PDGFD: variants seen among roughly 807,000 people sequenced by gnomAD.
PDGFD encodes platelet derived growth factor D.
In PDGFD, 30 loss-of-function variants were observed where a neutral mutation model predicts 44.7. The observed-to-expected ratio is 0.67, with a 90% CI of 0.50 to 0.91. The LOEUF (loss-of-function observed/expected upper bound fraction) is 0.91, where lower values mean the gene tolerates loss of function less well. PDGFD is among the 40% of genes least tolerant of loss of function. The pLI, the probability that PDGFD is intolerant of heterozygous loss-of-function variation, is 0.00. For synonymous variants in PDGFD, 173 were observed against 168.4 expected, an observed-to-expected ratio of 1.03 and a Z score of -0.21; for missense variants, 445 against 457.8, an observed-to-expected ratio of 0.97 and a Z score of 0.25.
chr11:103,942,603 A>G (rs11226082), intron 5 of PDGFD, among the ~76,000 whole-genome samples: 45,246 of 151,844 alleles, frequency 0.3, 7,554 homozygotes, highest in East Asian at 0.39. Context: ...GCCTTGAGAC[A>G]TTTATATCTC....
chr11:104,144,100 G>A (rs1862125716), intron 1 of PDGFD, among the ~76,000 whole-genome samples: 1 of 152,102 alleles, frequency 6.6e-6, no homozygotes, highest in African/African-American at 2.4e-5. Context: ...CTACAACTGT[G>A]ACTTGAAGGT....
At chr11:104,150,843 T>C (rs897064903) in intron 1 of PDGFD, among the ~76,000 whole-genome samples, 3 of 152,168 alleles carry the variant, frequency 2.0e-5, no homozygotes, top group Non-Finnish European at 4.4e-5. Context: ...ATCTCCCATC[T>C]CAAGATCCTT....
chr11:104,160,992 G>C (rs904949212), intron 1 of PDGFD, among the ~76,000 whole-genome samples: 1 of 152,106 alleles, frequency 6.6e-6, no homozygotes, highest in Non-Finnish European at 1.5e-5. Context: ...TATTAGGCTG[G>C]ACAGGATAAA....
At chr11:104,110,292 G>A (rs1339146265) in intron 1 of PDGFD, among the ~76,000 whole-genome samples, 1 of 151,516 alleles carries the variant, frequency 6.6e-6, no homozygotes, top group Non-Finnish European at 1.5e-5. Context: ...AAATGCAATT[G>A]ATGGTTTAAA....
rs1485037818 is a variant in PDGFD, at chr11:104,119,106, ATAT to A, written c.124+44695_124+44697del. On this transcript the variant is annotated intron_variant, in intron 1 of 6. Coordinates refer to ENST00000393158, the MANE Select transcript of PDGFD (RefSeq NM_025208.5). ...ATAATATATTGATATAATATATAAT[ATAT>A]TAATATAATATATTGATATAATATA... 5.4e-4 allele frequency among the ~76,000 whole-genome samples: 36 copies of A among 67,214 alleles called. 11 individuals are homozygous for A. Among genetic ancestry groups the A allele is most frequent in the Admixed American group, 1.1e-3 (4 of 3,610 alleles). The allele number at this position is 67,214 out of a possible 152,430, so 44.1% of individuals were successfully genotyped here. A position where few individuals can be genotyped will look rare whatever the true frequency, so the allele number is the denominator to read the frequency against.
chr11:103,930,814 A>G lies in PDGFD; in HGVS notation c.773-3688T>C, dbSNP rs141738685. Among the ~76,000 whole-genome samples the G allele has an allele frequency of 7.9e-5, 12 of 152,338 alleles. No homozygotes were observed. The East Asian group carries it at 1.9e-3, about 24-fold the overall frequency. ...ATGTCATTAATACACATACCCAAGC[A>G]CGAGCAGCTGTGTATCCTCATCCAC... is the stretch of plus-strand genomic sequence containing the variant. On this transcript the variant is annotated intron_variant, in intron 5 of 6. Coordinates refer to ENST00000393158, the MANE Select transcript of PDGFD (RefSeq NM_025208.5).
intron 1 of PDGFD, among the ~76,000 whole-genome samples, chr11:104,135,728 G>A (rs1438953394): frequency 1.3e-5 from 2 of 152,152 alleles, no homozygotes; most frequent in Non-Finnish European, 2.9e-5. Context: ...CACCAAGATA[G>A]AGTGCCAAAG....
chr11:104,129,815 C>A lies in PDGFD; in HGVS notation c.124+33989G>T, dbSNP rs1372244022. Among the ~76,000 whole-genome samples the A allele has an allele frequency of 2.0e-5, 3 of 151,936 alleles. No individual in the cohort carries two copies. The East Asian group carries it at 5.8e-4, about 30-fold the overall frequency. The stretch of plus-strand genomic sequence containing the variant: ...CCTGAGGTCAGGAGTTCAAGACTAG[C>A]CTGGCCAACATGGTGAAACCGTGCT... On this transcript the variant is annotated intron_variant, in intron 1 of 6. Transcript: ENST00000393158.
At chr11:104,156,911 T>C (rs371588626) in intron 1 of PDGFD, among the ~76,000 whole-genome samples, 1 of 152,232 alleles carries the variant, frequency 6.6e-6, no homozygotes, top group South Asian at 2.1e-4. Context: ...AGAACATTTC[T>C]GCTGCACCTC....
At chr11:104,143,181 T>A (rs1286795618) in intron 1 of PDGFD, among the ~76,000 whole-genome samples, 1 of 152,232 alleles carries the variant, frequency 6.6e-6, no homozygotes, top group Non-Finnish European at 1.5e-5. Flanking sequence ...TAAATGTTTT[T>A]TGTTTGTTTA....
chr11:104,060,776 T>C lies in PDGFD; in HGVS notation c.125-60521A>G, dbSNP rs1450754029. On this transcript the variant is annotated intron_variant, in intron 1 of 6. Coordinates refer to ENST00000393158, the MANE Select transcript of PDGFD (RefSeq NM_025208.5). Reference sequence around the variant, plus strand: ...TTAACAGCTTTATTGAAATACCACATAACTCATTCATTTAAAGTACAATTC... The same window carrying C: ...TTAACAGCTTTATTGAAATACCACACAACTCATTCATTTAAAGTACAATTC... Among the ~76,000 whole-genome samples, 4 of 152,232 alleles carry C rather than the reference T, an allele frequency of 2.6e-5. No individual in the cohort carries two copies. In the East Asian group the frequency reaches 7.7e-4, roughly 29 times the overall value.
Position 103,985,038 on chromosome 11 carries a change from G to C in PDGFD, c.510+11027C>G, listed in dbSNP as rs1859336112. ...AATATATATTAATTTATTTGATATAGTTATATTTGTTTAATATATATTAAT... is the reference window on the plus strand; with the variant it reads ...AATATATATTAATTTATTTGATATACTTATATTTGTTTAATATATATTAAT... On this transcript the variant is annotated intron_variant, in intron 3 of 6. Coordinates refer to ENST00000393158, the MANE Select transcript of PDGFD (RefSeq NM_025208.5). Among the ~76,000 whole-genome samples the C allele has an allele frequency of 2.9e-5, 3 of 102,514 alleles. 1 individual carries two copies. The highest frequency in any genetic ancestry group is 5.4e-5 in the Non-Finnish European group (3 of 55,736). 67.3% of individuals were successfully genotyped at this position (102,514 alleles called of 152,430 possible).
At position 104,131,856 on chromosome 11, in the gene PDGFD, C is replaced by A. The variant is rs563276933; in HGVS notation, c.124+31948G>T. On this transcript the variant is annotated intron_variant, in intron 1 of 6. Coordinates refer to ENST00000393158, the MANE Select transcript of PDGFD (RefSeq NM_025208.5). Reference sequence around the variant, plus strand: ...GATGCTTGGTGATCTATCTACCTTTCGATAAGATAATCTCTAGGCTGAAAT... The same window carrying A: ...GATGCTTGGTGATCTATCTACCTTTAGATAAGATAATCTCTAGGCTGAAAT... Among the ~76,000 whole-genome samples, 6 of 145,988 alleles carry A rather than the reference C, an allele frequency of 4.1e-5. No homozygotes were observed. In the East Asian group the frequency reaches 1.2e-3, roughly 29 times the overall value.
chr11:103,922,548 T>TC (rs35557831), intron 6 of PDGFD, among the ~76,000 whole-genome samples: 48,623 of 150,844 alleles, frequency 0.32, 8,070 homozygotes, highest in East Asian at 0.42. Flanking sequence ...AAAGAAGAAT[T>TC]CCCCCCCGCC....
chr11:103,922,895 C>T (rs750757124), intron 6 of PDGFD, among the ~76,000 whole-genome samples: 4 of 152,036 alleles, frequency 2.6e-5, no homozygotes, highest in Non-Finnish European at 2.9e-5. Context: ...ATCCTTATCT[C>T]CAAAGACAAA....
rs538181288 is a variant in PDGFD at position 104,045,837 on chromosome 11, C to T, written c.125-45582G>A. On this transcript the variant is annotated intron_variant, in intron 1 of 6. Coordinates refer to ENST00000393158, the MANE Select transcript of PDGFD (RefSeq NM_025208.5). The stretch of plus-strand genomic sequence containing the variant: ...AAAAAGGGGTGAGGTAAAAGACAAG[C>T]AGGTTTTTGATAAAGAAATGTGCTT... 2.0e-3 allele frequency among the ~76,000 whole-genome samples: 287 copies of T among 147,028 alleles called. 28 individuals carry two copies. The highest frequency in any genetic ancestry group is 3.6e-3 in the Non-Finnish European group (238 of 65,926).
intron 1 of PDGFD, among the ~76,000 whole-genome samples, chr11:104,083,840 T>G (rs1382224604): frequency 2.0e-5 from 3 of 152,206 alleles, no homozygotes; most frequent in Non-Finnish European, 4.4e-5. Flanking sequence ...TCTGGTGTCT[T>G]CTAGGCAGCA....
chr11:103,935,856 T>C (rs73614236), intron 5 of PDGFD, among the ~76,000 whole-genome samples: 6,245 of 152,090 alleles, frequency 0.041, 422 homozygotes, highest in African/African-American at 0.14. Context: ...GAGAAGAAAA[T>C]AGAGAATCAG....
At chr11:104,003,114 T>A (rs1248318711) in intron 1 of PDGFD, among the ~76,000 whole-genome samples, 1 of 152,222 alleles carries the variant, frequency 6.6e-6, no homozygotes, top group Non-Finnish European at 1.5e-5. Flanking sequence ...AAAAAAAAGT[T>A]GATGCATACT....
Sources: gnomAD v4.1 joint callset for allele counts (sites outside exome capture counted in the v4.1 genomes callset) on GRCh38, gnomAD v4.1.1 for gene constraint, MANE v1.5 for transcripts, NCBI Gene and HGNC (gene_info 2026-07-23, HGNC 2026-07-21) for gene names.